The following ERCC6L2 variants were observed in gnomAD, a reference collection of about 807,000 sequenced individuals.
ERCC6L2 encodes the protein ERCC excision repair 6 like 2, also known as DNA excision repair protein ERCC-6-like 2.
Under a neutral mutation model 132.0 loss-of-function variants are expected in ERCC6L2, and 77 were observed. The observed-to-expected ratio is 0.58, with a 90% CI of 0.49 to 0.71. The LOEUF (loss-of-function observed/expected upper bound fraction) is 0.71, where lower values mean the gene tolerates loss of function less well. Among genes scored for constraint, ERCC6L2 ranks in the 30% least tolerant of loss-of-function variants. The pLI is 0.00. For missense variants in ERCC6L2, 1,542 were observed against 1,837.6 expected (o/e 0.84, Z 2.94); for synonymous variants, 583 against 632.4 (o/e 0.92, Z 1.17).
intron 17 of ERCC6L2, among the ~76,000 whole-genome samples, chr9:95,991,565 G>A (rs1013319508): frequency 3.3e-5 from 5 of 152,166 alleles, no homozygotes; most frequent in Non-Finnish European, 7.4e-5. Flanking sequence ...AATGAACCTA[G>A]TGAGCATGTC....
rs959777504 is a variant in ERCC6L2, at chr9:95,879,584, C to G, written c.47-1285C>G. Among the ~76,000 whole-genome samples the G allele has an allele frequency of 9.2e-5, 14 of 152,240 alleles. No homozygotes were observed. In the South Asian group the frequency reaches 1.2e-3, roughly 14 times the overall value. Reference sequence around the variant, plus strand: ...GGCTTTAGTTTGACATTAAAACACTCTTTTAGAATGGTGTAACAGTTGTCA... The same window carrying G: ...GGCTTTAGTTTGACATTAAAACACTGTTTTAGAATGGTGTAACAGTTGTCA... On this transcript the variant is annotated intron_variant, in intron 1 of 18. Transcript: ENST00000653738.
chr9:95,929,281 T>C (rs868098312), intron 11 of ERCC6L2, among the ~76,000 whole-genome samples: 1 of 152,250 alleles, frequency 6.6e-6, no homozygotes, highest in Admixed American at 6.5e-5. Flanking sequence ...CTCCTCTGCC[T>C]CTACCTCATC....
At chr9:95,913,878 A>G (rs1250353652) in intron 4 of ERCC6L2, among the ~76,000 whole-genome samples, 1 of 152,172 alleles carries the variant, frequency 6.6e-6, no homozygotes, top group African/African-American at 2.4e-5. Context: ...TTATACAGCT[A>G]TCCTGTTATT....
intron 13 of ERCC6L2, among the ~76,000 whole-genome samples, chr9:95,957,430 T>A (rs1488494685): frequency 6.6e-6 from 1 of 150,712 alleles, no homozygotes; most frequent in Non-Finnish European, 1.5e-5. Flanking sequence ...TTTTTTGGTA[T>A]AGCACAACTA....
rs77007563 is a variant in ERCC6L2, at chr9:95,961,214, C to T, written c.1947+5201C>T. On this transcript the variant is annotated intron_variant, in intron 13 of 18. Transcript: ENST00000653738. ...GGTCTTTGCAGATGAGGTTAAGATG[C>T]GATCACACTGGATGAGAGTGGTCCC... Among the ~76,000 whole-genome samples, 596 of 152,168 alleles carry T rather than the reference C, an allele frequency of 3.9e-3. 6 individuals are homozygous for T. Among genetic ancestry groups the T allele is most frequent in the African/African-American group, 0.014 (570 of 41,530 alleles).
At position 96,004,504 on chromosome 9, in the gene ERCC6L2, C is replaced by G. The variant is rs1385876097; in HGVS notation, c.3493-16C>G. On this transcript the variant is annotated splice_polypyrimidine_tract_variant and intron_variant, in intron 17 of 18. Coordinates refer to ENST00000653738, the MANE Select transcript of ERCC6L2 (RefSeq NM_020207.7). ...ATTTTTTCAGACATAGCTTTTGTTT[C>G]CTTTCTTTTTTTCAGACATATAAAG... 1 of 1,286,014 alleles carries G rather than the reference C, an allele frequency of 7.8e-7. No individual in the cohort carries two copies. The highest frequency in any genetic ancestry group is 1.3e-5 in the South Asian group (1 of 78,084). 79.7% of individuals were successfully genotyped at this position (1,286,014 alleles called of 1,614,324 possible).
intron 19 of ERCC6L2, among the ~76,000 whole-genome samples, chr9:96,027,169 C>G (rs1043311483): frequency 3.4e-5 from 5 of 148,304 alleles, no homozygotes. Context: ...CCACACCACA[C>G]ACACACACAC....
chr9:95,907,855 A>ACACACC (rs1268642228), intron 4 of ERCC6L2, among the ~76,000 whole-genome samples: 4 of 103,676 alleles, frequency 3.9e-5, no homozygotes, highest in African/African-American at 9.0e-5. Context: ...ACACACACAC[A>ACACACC]CCCCCACACC....
At chr9:95,903,245 G>A (rs1413583493) in intron 3 of ERCC6L2, among the ~76,000 whole-genome samples, 1 of 151,982 alleles carries the variant, frequency 6.6e-6, no homozygotes, top group Non-Finnish European at 1.5e-5. Flanking sequence ...GATTTGAAGG[G>A]CCACTTTGGT....
In ERCC6L2 at chr9:96,013,074, A is replaced by G. The variant is rs1564304889; in HGVS notation, c.4524A>G (p.Leu1508=). The part of the protein sequence containing the change: ...VIETLCEKAP[L]AAPFKRREEP... ...AGACTCTGTGTGAAAAAGCACCTCT[A>G]GCAGCACCCTTTAAAAGGAGAGAAG... The change falls in exon 19 of 19, where the codon CTA becomes CTG. Residue 1508 remains leucine (L), a synonymous_variant. Coordinates refer to ENST00000653738, the MANE Select transcript of ERCC6L2 (RefSeq NM_020207.7). 2.9e-6 allele frequency: 4 copies of G among 1,367,564 alleles called. No individual in the cohort carries two copies. The highest frequency in any genetic ancestry group is 1.1e-5 in the South Asian group (1 of 88,048). The allele number at this position is 1,367,564 out of a possible 1,614,324, so 84.7% of individuals were successfully genotyped here.
chr9:95,976,283 T>A (rs182228669), intron 16 of ERCC6L2, among the ~76,000 whole-genome samples: 2 of 152,242 alleles, frequency 1.3e-5, no homozygotes, highest in Admixed American at 6.5e-5. Context: ...ATTTTGATTC[T>A]CTCCCAGCAG....
intron 17 of ERCC6L2, among the ~76,000 whole-genome samples, chr9:96,002,252 T>G (rs1310896712): frequency 6.6e-6 from 1 of 152,198 alleles, no homozygotes; most frequent in Non-Finnish European, 1.5e-5. Context: ...AAGCGGGGGC[T>G]CTGAAGACTG....
chr9:95,943,703 C>A (rs910321815), intron 12 of ERCC6L2, among the ~76,000 whole-genome samples: 1 of 152,070 alleles, frequency 6.6e-6, no homozygotes, highest in African/African-American at 2.4e-5. Context: ...GGACATTTCT[C>A]CAAAGAAGGT....
chr9:95,878,241 A>G (rs763425876), intron 1 of ERCC6L2, among the ~76,000 whole-genome samples: 18 of 152,214 alleles, frequency 1.2e-4, no homozygotes, highest in Non-Finnish European at 4.4e-5. Context: ...CTTTTGCATT[A>G]CAAGGGCAAG....
chr9:95,963,277 A>C (rs1447540823), intron 13 of ERCC6L2, among the ~76,000 whole-genome samples: 1 of 151,948 alleles, frequency 6.6e-6, no homozygotes, highest in Admixed American at 6.6e-5. Flanking sequence ...CTATTTGCTG[A>C]CATTTTACAC....
chr9:96,017,710 A>G lies in ERCC6L2; in HGVS notation c.*4507A>G, dbSNP rs1834211779. Among the ~76,000 whole-genome samples the G allele has an allele frequency of 2.0e-5, 3 of 151,964 alleles. No homozygotes were observed. On this transcript the variant is annotated 3_prime_UTR_variant, in exon 19 of 19. Coordinates refer to ENST00000653738, the MANE Select transcript of ERCC6L2 (RefSeq NM_020207.7). Reference sequence around the variant, plus strand: ...CCCACCACGACTTCCAGCGCCCCCCATCTCTGTATGCAGCTGAGCTCATGA... The same window carrying G: ...CCCACCACGACTTCCAGCGCCCCCCGTCTCTGTATGCAGCTGAGCTCATGA...
intron 11 of ERCC6L2, among the ~76,000 whole-genome samples, chr9:95,931,623 C>T (rs1026433485): frequency 7.2e-5 from 11 of 152,274 alleles, no homozygotes; most frequent in South Asian, 6.2e-4. Context: ...AAAATCATTT[C>T]CTCTTAGATC....
intron 6 of ERCC6L2, among the ~76,000 whole-genome samples, chr9:95,917,192 T>C (rs1829640436): frequency 6.6e-6 from 1 of 152,234 alleles, no homozygotes; most frequent in African/African-American, 2.4e-5. Flanking sequence ...GAATGCTATT[T>C]GCAGTTACAC....
chr9:95,953,285 A>G (rs892841862), intron 12 of ERCC6L2, among the ~76,000 whole-genome samples: 1 of 152,198 alleles, frequency 6.6e-6, no homozygotes, highest in African/African-American at 2.4e-5. Context: ...CTATTTAGAA[A>G]CAACAATGAG....
Sources: allele counts gnomAD v4.1 joint callset (sites outside exome capture counted in the v4.1 genomes callset), GRCh38; gene constraint gnomAD v4.1.1; transcripts MANE v1.5; gene names NCBI Gene and HGNC (gene_info 2026-07-23, HGNC 2026-07-21).